CAMK4: variants seen among roughly 807,000 people sequenced by gnomAD.
The protein encoded by CAMK4 is calcium/calmodulin dependent protein kinase IV.
Under a neutral mutation model 44.9 loss-of-function variants are expected in CAMK4, and 22 were observed. The observed-to-expected ratio is 0.49, with a 90% CI of 0.35 to 0.70. The LOEUF is 0.70. Among genes scored for constraint, CAMK4 ranks in the 30% least tolerant of loss-of-function variants. The pLI, the probability that CAMK4 is intolerant of heterozygous loss-of-function variation, is 0.01. For missense variants in CAMK4, 498 were observed against 586.8 expected, an observed-to-expected ratio of 0.85 and a Z score of 1.56; for synonymous variants, 218 against 215.4, an observed-to-expected ratio of 1.01 and a Z score of -0.11.
At chr5:111,347,689 A>C (rs1749925484) in intron 2 of CAMK4, among the ~76,000 whole-genome samples, 1 of 151,936 alleles carries the variant, frequency 6.6e-6, no homozygotes. Flanking sequence ...CTCTCTTCTT[A>C]TAAAAACACC....
intron 2 of CAMK4, among the ~76,000 whole-genome samples, chr5:111,345,862 A>G (rs1476578039): frequency 1.3e-5 from 2 of 151,976 alleles, no homozygotes; most frequent in Non-Finnish European, 2.9e-5. Flanking sequence ...CTCCCTCAGA[A>G]GACAGGCAGG....
intron 7 of CAMK4, among the ~76,000 whole-genome samples, chr5:111,456,784 G>A (rs950422615): frequency 2.6e-5 from 4 of 152,146 alleles, no homozygotes; most frequent in Non-Finnish European, 5.9e-5. Context: ...TACTGGGTAA[G>A]TATGAAGTTA....
At chr5:111,351,431 G>A (rs1258536402) in intron 2 of CAMK4, among the ~76,000 whole-genome samples, 1 of 150,590 alleles carries the variant, frequency 6.6e-6, no homozygotes, top group South Asian at 2.1e-4. Flanking sequence ...TTGAGACAGA[G>A]TTTCGCTTTT....
At chr5:111,329,934 A>C (rs543216501) in intron 1 of CAMK4, among the ~76,000 whole-genome samples, 2 of 151,880 alleles carry the variant, frequency 1.3e-5, no homozygotes, top group South Asian at 4.1e-4. Flanking sequence ...ATCAGGAATA[A>C]GGCAAGGATA....
At chr5:111,382,616 C>T (rs395772) in intron 4 of CAMK4, among the ~76,000 whole-genome samples, 3 of 152,072 alleles carry the variant, frequency 2.0e-5, no homozygotes, top group African/African-American at 7.2e-5. Context: ...ACTATTTAAT[C>T]ATTAGAGCAA....
chr5:111,449,391 G>A (rs1754150628), intron 7 of CAMK4, among the ~76,000 whole-genome samples, 188 bp downstream of exon 7: 1 of 152,122 alleles, frequency 6.6e-6, no homozygotes, highest in East Asian at 1.9e-4. Context: ...GAGGTTCAAG[G>A]ATGTTGGTTT....
intron 5 of CAMK4, among the ~76,000 whole-genome samples, chr5:111,429,280 A>C (rs1017789273): frequency 2.0e-5 from 3 of 152,180 alleles, no homozygotes; most frequent in African/African-American, 7.2e-5. Context: ...CCAAATAAAT[A>C]AAATCAGAGG....
intron 1 of CAMK4, among the ~76,000 whole-genome samples, chr5:111,324,949 T>C (rs573783719): frequency 1.5e-3 from 233 of 152,094 alleles, no homozygotes; most frequent in African/African-American, 5.4e-3. Context: ...CCGTCATCTA[T>C]GTTTTAAGCC....
Position 111,473,550 on chromosome 5 carries a change from T to C in CAMK4, c.701+164T>C, listed in dbSNP as rs55684459. Among the ~76,000 whole-genome samples the C allele has an allele frequency of 8.5e-3, 1,290 of 152,322 alleles. 6 individuals are homozygous for C. The highest frequency in any genetic ancestry group is 0.015 in the Non-Finnish European group (999 of 68,026). On this transcript the variant is annotated intron_variant, in intron 8 of 10. Transcript: ENST00000282356. ...TGATAGAATTTCCTGAAAATGAACATTGCTTTTTATTTTGGAATTTTCTTG... is the reference window on the plus strand; with the variant it reads ...TGATAGAATTTCCTGAAAATGAACACTGCTTTTTATTTTGGAATTTTCTTG...
chr5:111,356,500 T>C (rs1442640488), intron 2 of CAMK4, among the ~76,000 whole-genome samples: 1 of 152,262 alleles, frequency 6.6e-6, no homozygotes, highest in Non-Finnish European at 1.5e-5. Flanking sequence ...AGAAGCTCTT[T>C]AGTTTAATTA....
intron 2 of CAMK4, among the ~76,000 whole-genome samples, chr5:111,367,145 A>G (rs542676667): frequency 1.3e-5 from 2 of 150,234 alleles, no homozygotes; most frequent in East Asian, 2.0e-4. Context: ...TGCTATAAAC[A>G]GAATACCGCA....
rs148475499 is a variant in CAMK4 at position 111,314,183 on chromosome 5, A to G, written c.162-29841A>G. 4.3e-3 allele frequency among the ~76,000 whole-genome samples: 651 copies of G among 152,190 alleles called. 4 individuals carry two copies. Among genetic ancestry groups the G allele is most frequent in the African/African-American group, 0.014 (598 of 41,548 alleles). ...CTGGTACCTAGAGTGGAGTTTAAGT[A>G]TAGGATTTTGTTAGTCTTAGGCTGT... On this transcript the variant is annotated intron_variant, in intron 1 of 10. Transcript: ENST00000282356.
At chr5:111,458,542 G>T (rs973614039) in intron 7 of CAMK4, among the ~76,000 whole-genome samples, 2 of 151,464 alleles carry the variant, frequency 1.3e-5, no homozygotes, top group African/African-American at 4.8e-5. Context: ...CAGACCAAAA[G>T]AACTCTTCCT....
Position 111,404,969 on chromosome 5 carries a change from G to A in CAMK4, c.459+10187G>A, listed in dbSNP as rs115321528. On this transcript the variant is annotated intron_variant, in intron 5 of 10. Coordinates refer to ENST00000282356, the MANE Select transcript of CAMK4 (RefSeq NM_001744.6). ...ATTACTGATTCCCTAGTTTATTCTA[G>A]ACTTTGTTCTAGACTTTGAGATACA... Among the ~76,000 whole-genome samples the A allele has an allele frequency of 5.2e-3, 792 of 152,200 alleles. 8 individuals carry two copies. The highest frequency in any genetic ancestry group is 0.018 in the African/African-American group (731 of 41,542).
intron 1 of CAMK4, among the ~76,000 whole-genome samples, chr5:111,252,496 C>A (rs954526041): frequency 1.3e-5 from 2 of 152,108 alleles, no homozygotes; most frequent in African/African-American, 4.8e-5. Context: ...TAAATTTAAA[C>A]ATACTTTTGG....
At chr5:111,240,809 G>C (rs1367553696) in intron 1 of CAMK4, among the ~76,000 whole-genome samples, 2 of 152,106 alleles carry the variant, frequency 1.3e-5, no homozygotes, top group Middle Eastern at 3.2e-3. Context: ...TGGCTATAGG[G>C]CAATGCTAAG....
At chr5:111,421,744 T>C (rs1322471437) in intron 5 of CAMK4, among the ~76,000 whole-genome samples, 6 of 152,230 alleles carry the variant, frequency 3.9e-5, no homozygotes, top group African/African-American at 9.6e-5. Flanking sequence ...AAGACATTGA[T>C]GTGGTTTGGC....
chr5:111,273,898 C>A (rs1439355657), intron 1 of CAMK4, among the ~76,000 whole-genome samples: 2 of 151,130 alleles, frequency 1.3e-5, no homozygotes, highest in Non-Finnish European at 3.0e-5. Context: ...GTCTGTGTGT[C>A]CTGCAGGCTC....
intron 1 of CAMK4, among the ~76,000 whole-genome samples, chr5:111,285,523 A>G (rs306107): frequency 0.38 from 57,998 of 152,094 alleles, 11,892 homozygotes; most frequent in Non-Finnish European, 0.46. Flanking sequence ...GTTCCTCTAC[A>G]TAATGATGTC....
Sources: allele counts gnomAD v4.1 joint callset (sites outside exome capture counted in the v4.1 genomes callset), GRCh38; gene constraint gnomAD v4.1.1; transcripts MANE v1.5; gene names NCBI Gene and HGNC (gene_info 2026-07-23, HGNC 2026-07-21).